The following ARHGEF9 variants were observed in gnomAD, a reference collection of about 807,000 sequenced individuals.
ARHGEF9 encodes rho guanine nucleotide exchange factor 9.
In ARHGEF9, 2 loss-of-function variants were observed where a neutral mutation model predicts 41.3. The ratio of observed to expected loss-of-function variants is 0.05; its 90% CI spans 0.02 to 0.15. The LOEUF is 0.15. Among genes scored for constraint, ARHGEF9 ranks in the 10% least tolerant of loss-of-function variants. ARHGEF9 has a pLI of 1.00. For synonymous variants in ARHGEF9, 160 were observed against 154.4 expected (o/e 1.04, Z -0.27); for missense variants, 225 against 424.7 (o/e 0.53, Z 4.13).
rs781795984 is a variant in ARHGEF9, at chrX:63,676,558, C to A, written c.815+1782G>T. On this transcript the variant is annotated intron_variant, in intron 5 of 9. Coordinates refer to ENST00000671741, the MANE Select transcript of ARHGEF9 (RefSeq NM_001353921.2). ...GGATCTTTTGGGCTCTGTGACATCA[C>A]CGAAGTTTCTCCTTGGCAAGATGTC... Among the ~76,000 whole-genome samples the A allele has an allele frequency of 1.6e-4, 18 of 112,172 alleles. 1 individual carries two copies. The highest frequency in any genetic ancestry group is 2.4e-4 in the Non-Finnish European group (13 of 53,254).
intron 9 of ARHGEF9, among the ~76,000 whole-genome samples, chrX:63,638,816 G>A (rs782075814): frequency 2.7e-5 from 3 of 112,255 alleles, no homozygotes; most frequent in Non-Finnish European, 3.8e-5. Context: ...ACATTAGTAG[G>A]TGAAGGAGAA....
chrX:63,755,272 G>A, intron 1 of ARHGEF9: 2 of 919,330 alleles, frequency 2.2e-6, no homozygotes, highest in East Asian at 4.2e-5. Flanking sequence ...TTGCGCTGGC[G>A]TGCTAGCCGC....
At chrX:63,755,072 G>A (rs1418092862) in intron 1 of ARHGEF9, 5 of 939,156 alleles carry the variant, frequency 5.3e-6, no homozygotes, top group Non-Finnish European at 6.6e-6. Context: ...CCGGCTGCCA[G>A]ACACTCGTTC....
intron 1 of ARHGEF9, among the ~76,000 whole-genome samples, chrX:63,757,423 A>G (rs1355740602): frequency 9.0e-6 from 1 of 111,265 alleles, no homozygotes; most frequent in Non-Finnish European, 1.9e-5. Flanking sequence ...CAAACTTAAA[A>G]AGTCCCAAAT....
chrX:63,677,582 G>A (rs147044738), intron 5 of ARHGEF9, among the ~76,000 whole-genome samples: 1,259 of 111,140 alleles, frequency 0.011, 31 homozygotes, highest in African/African-American at 0.039. Context: ...TGGGCCCAAC[G>A]GGTCACTCTG....
intron 3 of ARHGEF9, chrX:63,701,709 T>C (rs1408636507): frequency 9.0e-6 from 1 of 111,726 alleles, no homozygotes; most frequent in Non-Finnish European, 1.9e-5. Context: ...ACATGGAAAG[T>C]TGACAAGGAG....
chrX:63,779,285 G>A (rs189890866), intron 1 of ARHGEF9, among the ~76,000 whole-genome samples: 17 of 112,073 alleles, frequency 1.5e-4, no homozygotes, highest in East Asian at 2.8e-4. Flanking sequence ...AAGAAATACC[G>A]GATACTAGGT....
intron 7 of ARHGEF9, among the ~76,000 whole-genome samples, chrX:63,661,292 G>A (rs1177993365): frequency 2.7e-5 from 3 of 111,603 alleles, no homozygotes; most frequent in Middle Eastern, 4.6e-3. Flanking sequence ...ATCATTACAC[G>A]TTGTTTAGTT....
intron 8 of ARHGEF9, among the ~76,000 whole-genome samples, chrX:63,645,822 T>G (rs2048011701): frequency 8.9e-6 from 1 of 112,036 alleles, no homozygotes; most frequent in Non-Finnish European, 1.9e-5. Flanking sequence ...CCACAATGGT[T>G]GAACTAGTTT....
intron 8 of ARHGEF9, among the ~76,000 whole-genome samples, chrX:63,653,344 C>G (rs1210483538): frequency 1.8e-5 from 2 of 111,405 alleles, no homozygotes; most frequent in African/African-American, 3.3e-5. Flanking sequence ...TGGGTTTGAG[C>G]CTGCCTGTGA....
intron 8 of ARHGEF9, among the ~76,000 whole-genome samples, chrX:63,647,026 CTGTT>C (rs1412165302): frequency 1.1e-4 from 12 of 111,502 alleles, no homozygotes; most frequent in African/African-American, 3.9e-4. Context: ...ATTTGGCTCT[CTGTT>C]TGTCTATTAT....
At chrX:63,686,302 G>A (rs2050977612) in intron 4 of ARHGEF9, among the ~76,000 whole-genome samples, 2 of 111,165 alleles carry the variant, frequency 1.8e-5, no homozygotes, top group Admixed American at 1.9e-4. Context: ...ATTTATTTGG[G>A]GGTGCTAAAA....
intron 1 of ARHGEF9, among the ~76,000 whole-genome samples, chrX:63,757,161 C>T (rs1158302390): frequency 9.0e-6 from 1 of 111,467 alleles, no homozygotes; most frequent in East Asian, 2.8e-4. Context: ...ATTGCAGTCC[C>T]CTTTTCTTCT....
chrX:63,665,957 A>T lies in ARHGEF9; in HGVS notation c.1006T>A (p.Tyr336Asn). 1.7e-6 allele frequency: 2 copies of T among 1,210,626 alleles called. No individual in the cohort carries two copies. Among genetic ancestry groups the T allele is most frequent in the African/African-American group, 3.5e-5 (2 of 57,704 alleles). ...LIYTGEMAWI[Y>N]QPYGRNQQRV... is the part of the protein sequence containing the mutation. ...TGCTGGTTGCGGCCGTAGGGCTGGT[A>T]GATCCAGGCCATCTCCCCAGTGTAG... The change falls in exon 7 of 10, where the codon TAC becomes AAC. Residue 336 changes from tyrosine to asparagine, a missense_variant. By Grantham distance (143) the Tyr-to-Asn change is moderately radical. Transcript: ENST00000671741.
chrX:63,680,530 A>T (rs782387637), intron 4 of ARHGEF9, among the ~76,000 whole-genome samples: 29 of 112,318 alleles, frequency 2.6e-4, no homozygotes, highest in Middle Eastern at 4.6e-3. Context: ...ATGTCTGGAA[A>T]CAGCAGAGAG....
At chrX:63,722,936 T>C (rs1556414603) in intron 2 of ARHGEF9, 3 of 111,657 alleles carry the variant, frequency 2.7e-5, no homozygotes, top group African/African-American at 9.8e-5. Context: ...ATTAGAAGAT[T>C]CTCATGATAG....
In ARHGEF9 at chrX:63,636,563, G is replaced by A. The variant is rs782292072; in HGVS notation, c.*1465C>T. On this transcript the variant is annotated 3_prime_UTR_variant, in exon 10 of 10. Coordinates refer to ENST00000671741, the MANE Select transcript of ARHGEF9 (RefSeq NM_001353921.2). ...TGGGATGAGAGGATGTTGGAAACAC[G>A]GCCTTCTTTGAGTGCCAGAACAGCT... The A allele has an allele frequency of 4.1e-5, 7 of 171,278 alleles. No homozygotes were observed. Among genetic ancestry groups the A allele is most frequent in the Middle Eastern group, 2.0e-3 (1 of 492 alleles). The allele number at this position is 171,278 out of a possible 1,213,427, so 14.1% of individuals were successfully genotyped here. A position where few individuals can be genotyped will look rare whatever the true frequency, so the allele number is the denominator to read the frequency against.
intron 4 of ARHGEF9, among the ~76,000 whole-genome samples, chrX:63,679,614 C>T (rs1201281558): frequency 2.7e-5 from 3 of 111,598 alleles, no homozygotes; most frequent in Non-Finnish European, 5.6e-5. Context: ...ATTACATGAT[C>T]GTTTCAATAA....
intron 6 of ARHGEF9, among the ~76,000 whole-genome samples, chrX:63,669,676 T>C (rs2049819883): frequency 9.0e-6 from 1 of 111,630 alleles, no homozygotes; most frequent in Non-Finnish European, 1.9e-5. Context: ...TGGAATTCTG[T>C]GCCCCAAGAA....
Sources: gnomAD v4.1 joint callset for allele counts (sites outside exome capture counted in the v4.1 genomes callset) on GRCh38, gnomAD v4.1.1 for gene constraint, MANE v1.5 for transcripts, NCBI Gene and HGNC (gene_info 2026-07-23, HGNC 2026-07-21) for gene names.